Variants in DAB1 observed in about 807,000 individuals in gnomAD.
DAB1 encodes the protein DAB adaptor protein 1, also known as disabled homolog 1.
In DAB1, 15 loss-of-function variants were observed where a neutral mutation model predicts 64.6. That is an observed-to-expected ratio of 0.23 (90% CI 0.16 to 0.36). The LOEUF (loss-of-function observed/expected upper bound fraction) is 0.36, where lower values mean the gene tolerates loss of function less well. Among genes scored for constraint, DAB1 ranks in the 10% least tolerant of loss-of-function variants. The probability of loss-of-function intolerance (pLI) is 1.00; values close to 1 mark genes in which losing one functional copy is unlikely to be tolerated. For synonymous variants in DAB1, 235 were observed against 251.9 expected, an observed-to-expected ratio of 0.93 and a Z score of 0.64; for missense variants, 596 against 706.7, an observed-to-expected ratio of 0.84 and a Z score of 1.78.
intron 4 of DAB1, chr1:58,228,999 C>G (rs899309296): frequency 8.5e-5 from 36 of 423,020 alleles, no homozygotes; most frequent in African/African-American, 5.9e-4. Flanking sequence ...GCCCCTGTCC[C>G]ACCTGGGGCA....
At chr1:57,397,652 C>T (rs269056) in intron 1 of DAB1, among the ~76,000 whole-genome samples, 5,876 of 152,264 alleles carry the variant, frequency 0.039, 353 homozygotes, top group African/African-American at 0.13. Flanking sequence ...CTCCACAGGG[C>T]AGAGACAGGA....
At chr1:58,103,437 A>G (rs1242170059) in intron 5 of DAB1, among the ~76,000 whole-genome samples, 1 of 152,180 alleles carries the variant, frequency 6.6e-6, no homozygotes, top group Non-Finnish European at 1.5e-5. Context: ...ACCCATACCC[A>G]TATTAATAAA....
intron 5 of DAB1, among the ~76,000 whole-genome samples, chr1:57,968,471 T>C (rs959608856): frequency 1.3e-5 from 2 of 152,162 alleles, no homozygotes; most frequent in Non-Finnish European, 2.9e-5. Flanking sequence ...TCTCATCTTT[T>C]TAAAAAACAA....
At chr1:58,228,584 C>T (rs1483117912) in intron 4 of DAB1, 2 of 492,564 alleles carry the variant, frequency 4.1e-6, no homozygotes, top group Non-Finnish European at 7.4e-6. Context: ...CTAGGAAGCC[C>T]TGCATCTAGG....
chr1:57,474,443 A>T (rs1021265152), intron 7 of DAB1, among the ~76,000 whole-genome samples: 1 of 152,216 alleles, frequency 6.6e-6, no homozygotes, highest in African/African-American at 2.4e-5. Context: ...AAAAAGAGGG[A>T]ATCACAATGA....
At chr1:57,765,805 T>G (rs766494724) in intron 6 of DAB1, among the ~76,000 whole-genome samples, 6 of 152,126 alleles carry the variant, frequency 3.9e-5, no homozygotes, top group Non-Finnish European at 7.4e-5. Flanking sequence ...TTTATTTTTA[T>G]TTTTTATGAG....
intron 2 of DAB1, among the ~76,000 whole-genome samples, chr1:57,172,259 G>C (rs1266803247): frequency 6.6e-6 from 1 of 152,124 alleles, no homozygotes; most frequent in Admixed American, 6.5e-5. Flanking sequence ...ACATTCTGAG[G>C]TACAGGGAGT....
At chr1:58,127,111 C>T (rs1653159686) in intron 5 of DAB1, among the ~76,000 whole-genome samples, 1 of 151,364 alleles carries the variant, frequency 6.6e-6, no homozygotes, top group East Asian at 2.0e-4. Context: ...CACATCCTCT[C>T]CAGCACCTGT....
chr1:57,943,351 G>A (rs1570040736), intron 5 of DAB1, among the ~76,000 whole-genome samples: 1 of 152,150 alleles, frequency 6.6e-6, no homozygotes, highest in Non-Finnish European at 1.5e-5. Flanking sequence ...GTTATTAATT[G>A]AGCAGTCACA....
chr1:57,290,603 T>C (rs1367418304), intron 2 of DAB1, among the ~76,000 whole-genome samples: 1 of 152,072 alleles, frequency 6.6e-6, no homozygotes, highest in African/African-American at 2.4e-5. Context: ...GCAGAAAAAC[T>C]TTGTATATTA....
At chr1:58,320,722 T>C (rs1426911678) in intron 4 of DAB1, among the ~76,000 whole-genome samples, 2 of 152,312 alleles carry the variant, frequency 1.3e-5, no homozygotes, top group East Asian at 3.9e-4. Context: ...AGATTGTTAG[T>C]CATACCTGTG....
At chr1:57,338,807 C>G (rs1184427414) in intron 1 of DAB1, among the ~76,000 whole-genome samples, 1 of 152,152 alleles carries the variant, frequency 6.6e-6, no homozygotes, top group Non-Finnish European at 1.5e-5. Context: ...GTCATCTTGG[C>G]TCTGTTGTCT....
chr1:58,350,589 T>C (rs1208341889), intron 3 of DAB1, among the ~76,000 whole-genome samples: 1 of 152,226 alleles, frequency 6.6e-6, no homozygotes, highest in Non-Finnish European at 1.5e-5. Flanking sequence ...TTTATGGTTT[T>C]AGGTCTTACG....
chr1:58,109,717 C>A lies in DAB1; in HGVS notation n.387+40794G>T, dbSNP rs559734938. Among the ~76,000 whole-genome samples the A allele has an allele frequency of 1.4e-4, 21 of 151,794 alleles. No homozygotes were observed. The South Asian group carries it at 4.2e-3, about 30-fold the overall frequency. On this transcript the variant is annotated intron_variant and non_coding_transcript_variant, in intron 5 of 20. Transcript: ENST00000485760. ...ATGAGTTACACTCCCAGCCAAAGCA[C>A]ACGGCAAGAAGTGGGGTACTTCTCC... is the stretch of plus-strand genomic sequence containing the variant.
At chr1:57,840,722 G>A (rs973641898) in intron 1 of DAB1, among the ~76,000 whole-genome samples, 3 of 152,100 alleles carry the variant, frequency 2.0e-5, no homozygotes, top group African/African-American at 7.2e-5. Context: ...CAGATCTCAT[G>A]AGAACTCACT....
At chr1:58,440,963 G>A (rs552891728) in intron 3 of DAB1, among the ~76,000 whole-genome samples, 1 of 152,274 alleles carries the variant, frequency 6.6e-6, no homozygotes, top group African/African-American at 2.4e-5. Context: ...ATCTTTCAGG[G>A]AAACTGTGAA....
chr1:57,607,132 G>T (rs969898542), intron 7 of DAB1, among the ~76,000 whole-genome samples: 3 of 152,040 alleles, frequency 2.0e-5, no homozygotes, highest in African/African-American at 7.2e-5. Context: ...CATTAAATCA[G>T]TTTGGTGAGT....
At chr1:57,842,830 C>A (rs1239613604) in intron 1 of DAB1, among the ~76,000 whole-genome samples, 1 of 152,178 alleles carries the variant, frequency 6.6e-6, no homozygotes, top group Non-Finnish European at 1.5e-5. Context: ...GACACAGAGC[C>A]AAACCATATC....
chr1:57,860,629 G>A (rs951563934), intron 1 of DAB1: 1 of 152,250 alleles, frequency 6.6e-6, no homozygotes, highest in African/African-American at 2.4e-5. Context: ...GCACTTGCTT[G>A]CAGAAGAACA....
Sources: gnomAD v4.1 joint callset for allele counts (sites outside exome capture counted in the v4.1 genomes callset) on GRCh38, gnomAD v4.1.1 for gene constraint, MANE v1.5 for transcripts, NCBI Gene and HGNC (gene_info 2026-07-23, HGNC 2026-07-21) for gene names.